Variants in KCTD1 observed in about 807,000 individuals in gnomAD.
KCTD1 encodes the protein potassium channel tetramerization domain containing 1.
Under a neutral mutation model 66.0 loss-of-function variants are expected in KCTD1, and 24 were observed. That is an observed-to-expected ratio of 0.36 (90% CI 0.26 to 0.51). The LOEUF is 0.51. KCTD1 is among the 20% of genes least tolerant of loss of function. The probability of loss-of-function intolerance (pLI) is 0.95; values close to 1 mark genes in which losing one functional copy is unlikely to be tolerated. For synonymous variants in KCTD1, 511 were observed against 517.2 expected (o/e 0.99, Z 0.16); for missense variants, 943 against 1,205.2 (o/e 0.78, Z 3.22).
Position 26,501,080 on chromosome 18 carries a change from A to C in KCTD1, c.1980T>G (p.Pro660=). Residue 660 remains proline (P), a synonymous_variant, in exon 2 of 5, where the codon CCT becomes CCG. Transcript: ENST00000580059. ...TSSLATLTKY[P]ESRIGRLFDG... ...TCAGTTTTTCAGATTACCTGGATTC[A>C]GGGTATTTGGTGAGGGTGGCCAGGC... 6.2e-7 allele frequency: 1 copy of C among 1,612,136 alleles called. No individual in the cohort carries two copies. The highest frequency in any genetic ancestry group is 8.5e-7 in the Non-Finnish European group (1 of 1,179,138).
At chr18:26,467,919 T>C (rs1463902082) in intron 3 of KCTD1, among the ~76,000 whole-genome samples, 2 of 152,232 alleles carry the variant, frequency 1.3e-5, no homozygotes, top group African/African-American at 2.4e-5. Flanking sequence ...AGTTTGTCTA[T>C]GTCTAGGAAT....
intron 1 of KCTD1, among the ~76,000 whole-genome samples, chr18:26,537,073 A>G (rs1422193088): frequency 3.9e-5 from 6 of 152,184 alleles, no homozygotes; most frequent in Admixed American, 3.9e-4. Flanking sequence ...CTCTGGGGTG[A>G]GCGGAAAAGA....
chr18:26,647,641 A>G (rs1264398624), intron 1 of KCTD1, among the ~76,000 whole-genome samples: 3 of 151,214 alleles, frequency 2.0e-5, no homozygotes, highest in Non-Finnish European at 2.9e-5. Context: ...AGTAGGGTCC[A>G]AAGTCCTTAG....
At chr18:26,563,017 T>G (rs1452273447) in intron 1 of KCTD1, among the ~76,000 whole-genome samples, 1 of 152,210 alleles carries the variant, frequency 6.6e-6, no homozygotes, top group African/African-American at 2.4e-5. Context: ...CTGCTCCTCC[T>G]GCTTTATTTC....
chr18:26,483,561 G>A (rs975000864), intron 2 of KCTD1, among the ~76,000 whole-genome samples: 1 of 152,210 alleles, frequency 6.6e-6, no homozygotes, highest in Non-Finnish European at 1.5e-5. Context: ...GAGCCACCAC[G>A]CCCAGCCTGA....
intron 1 of KCTD1, among the ~76,000 whole-genome samples, chr18:26,626,254 T>C (rs1272242474): frequency 6.6e-6 from 1 of 152,134 alleles, no homozygotes; most frequent in Admixed American, 6.5e-5. Context: ...CTTAAGCCTA[T>C]GCCAGCACTG....
chr18:26,478,368 G>A (rs936340792), intron 2 of KCTD1, among the ~76,000 whole-genome samples: 4 of 152,148 alleles, frequency 2.6e-5, no homozygotes, highest in African/African-American at 9.7e-5. Context: ...TCCTAAAGGG[G>A]CCTCCCTTAC....
At chr18:26,567,477 C>CTGT (rs71684696) in intron 1 of KCTD1, among the ~76,000 whole-genome samples, 7 of 137,860 alleles carry the variant, frequency 5.1e-5, no homozygotes, top group African/African-American at 1.3e-4. Context: ...TGCTGTTGTT[C>CTGT]TGTTGTTGTT....
upstream of KCTD1, among the ~76,000 whole-genome samples, chr18:26,644,147 C>T (rs1312111778): frequency 6.6e-6 from 1 of 152,060 alleles, no homozygotes. Flanking sequence ...GGATTTTTTG[C>T]CTTGTATTTC....
At chr18:26,615,981 G>T (rs977920087) in intron 1 of KCTD1, among the ~76,000 whole-genome samples, 13 of 151,958 alleles carry the variant, frequency 8.6e-5, no homozygotes, top group African/African-American at 3.1e-4. Flanking sequence ...AGTAGAGATG[G>T]GGTTTCACCA....
intron 1 of KCTD1, among the ~76,000 whole-genome samples, chr18:26,589,358 C>T (rs552806058): frequency 6.6e-5 from 10 of 152,268 alleles, no homozygotes; most frequent in African/African-American, 1.2e-4. Context: ...GCACTTTCCA[C>T]GAATGGTCTT....
chr18:26,481,200 G>A (rs910216656), intron 2 of KCTD1, among the ~76,000 whole-genome samples: 1 of 152,134 alleles, frequency 6.6e-6, no homozygotes, highest in Admixed American at 6.5e-5. Context: ...AATTTAAGTC[G>A]TCGGGGCTGG....
At chr18:26,496,733 A>T (rs987438348) in intron 2 of KCTD1, among the ~76,000 whole-genome samples, 2 of 132,822 alleles carry the variant, frequency 1.5e-5, no homozygotes, top group Non-Finnish European at 3.2e-5. Context: ...GCTAAAAAAA[A>T]GCATGTGCAC....
rs1338669736 is a variant in KCTD1, at chr18:26,468,127, C to A, written c.2134-8202G>T. On this transcript the variant is annotated intron_variant, in intron 3 of 4. Coordinates refer to ENST00000580059, the MANE Select transcript of KCTD1 (RefSeq NM_001142730.3). This position sits in a 1 kb window ranked among gnomAD's most constrained non-coding sequence, Gnocchi z 4.8. The stretch of plus-strand genomic sequence containing the variant: ...AACCACGTGTGTGTGTGTGCCTATG[C>A]ATGCGTACACGCTCATGTGCAGGGC... Among the ~76,000 whole-genome samples, 1 of 152,214 alleles carries A rather than the reference C, an allele frequency of 6.6e-6. No individual in the cohort carries two copies. The highest frequency in any genetic ancestry group is 1.5e-5 in the Non-Finnish European group (1 of 68,046).
chr18:26,526,536 T>C (rs1171983150), intron 1 of KCTD1, among the ~76,000 whole-genome samples: 2 of 152,222 alleles, frequency 1.3e-5, no homozygotes, highest in African/African-American at 4.8e-5. Flanking sequence ...TCGTGGTGAC[T>C]GTCACTTGAG....
chr18:26,467,308 A>G (rs1325486137), intron 3 of KCTD1, among the ~76,000 whole-genome samples: 2 of 152,150 alleles, frequency 1.3e-5, no homozygotes, highest in Non-Finnish European at 2.9e-5. Flanking sequence ...GCTTGAGCCT[A>G]GGAGTTTGAG....
At chr18:26,626,469 GAT>G (rs144607932) in intron 1 of KCTD1, among the ~76,000 whole-genome samples, 4 of 112,478 alleles carry the variant, frequency 3.6e-5, no homozygotes, top group South Asian at 3.2e-4. Context: ...CTGAGGAGGT[GAT>G]TTTTTTTTTT....
chr18:26,624,351 CA>C (rs1987453089), intron 1 of KCTD1, among the ~76,000 whole-genome samples: 1 of 152,238 alleles, frequency 6.6e-6, no homozygotes, highest in African/African-American at 2.4e-5. Flanking sequence ...ATTCCCATCA[CA>C]GGCCCAGAGG....
chr18:26,613,198 T>C (rs1029464367), intron 1 of KCTD1, among the ~76,000 whole-genome samples: 3 of 152,208 alleles, frequency 2.0e-5, no homozygotes, highest in Non-Finnish European at 2.9e-5. Context: ...GAAAAATCAA[T>C]GGATGTGAAA....
Sources: gnomAD v4.1 joint callset for allele counts (sites outside exome capture counted in the v4.1 genomes callset) on GRCh38, gnomAD v4.1.1 for gene constraint, Gnocchi (gnomAD v3.1) non-coding constraint, MANE v1.5 for transcripts, NCBI Gene and HGNC (gene_info 2026-07-23, HGNC 2026-07-21) for gene names.